Variants in GMPR observed in about 807,000 individuals in gnomAD.
GMPR encodes guanosine monophosphate reductase, also known as GMP reductase 1.
GMPR carries 31 observed loss-of-function variants against 38.4 expected under a neutral mutation model. The observed-to-expected ratio is 0.81, with a 90% CI of 0.61 to 1.09. The LOEUF is 1.09. Among genes scored for constraint, GMPR ranks in the 50% least tolerant of loss-of-function variants. The pLI, the probability that GMPR is intolerant of heterozygous loss-of-function variation, is 0.00. For missense variants in GMPR, 468 were observed against 453.7 expected (o/e 1.03, Z -0.29); for synonymous variants, 162 against 173.3 (o/e 0.93, Z 0.51).
chr6:16,293,634 C>G (rs1192560848), intron 8 of GMPR, among the ~76,000 whole-genome samples: 1 of 152,210 alleles, frequency 6.6e-6, no homozygotes, highest in Non-Finnish European at 1.5e-5. Flanking sequence ...CCCATCTCTA[C>G]TAAAAATACT....
intron 4 of GMPR, chr6:16,264,629 G>C (rs1355006205): frequency 6.6e-6 from 1 of 152,092 alleles, no homozygotes; most frequent in East Asian, 1.9e-4. Flanking sequence ...ATTTGGGTAG[G>C]TAAAGGAAAA....
At position 16,295,502 on chromosome 6, in the gene GMPR, AAAG is replaced by A; in HGVS notation, c.*321_*323del. The A allele has an allele frequency of 4.2e-6, 1 of 240,334 alleles. No individual in the cohort carries two copies. Among genetic ancestry groups the A allele is most frequent in the Non-Finnish European group, 7.9e-6 (1 of 126,392 alleles). The allele number at this position is 240,334 out of a possible 1,614,324, so 14.9% of individuals were successfully genotyped here. A position where few individuals can be genotyped will look rare whatever the true frequency, so the allele number is the denominator to read the frequency against. ...TTTCTTTGTTTTTCTTTCTTTTTTAAAAGAAGATGGTTTCACTTTAATATAATG... is the reference window on the plus strand; with the variant it reads ...TTTCTTTGTTTTTCTTTCTTTTTTAAAAGATGGTTTCACTTTAATATAATG... On this transcript the variant is annotated 3_prime_UTR_variant, in exon 9 of 9. Transcript: ENST00000259727.
intron 4 of GMPR, among the ~76,000 whole-genome samples, chr6:16,266,259 C>CAATG (rs1271357652): frequency 6.6e-6 from 1 of 151,748 alleles, no homozygotes; most frequent in Non-Finnish European, 1.5e-5. Context: ...CTGTAACACT[C>CAATG]ACTGCGAAGG....
At chr6:16,289,980 G>A (rs961838037) in intron 7 of GMPR, 4 of 144,834 alleles carry the variant, frequency 2.8e-5, no homozygotes, top group East Asian at 2.2e-4. Flanking sequence ...AGCGATTTCC[G>A]GCTAATTTTT....
intron 4 of GMPR, among the ~76,000 whole-genome samples, chr6:16,267,414 C>T (rs1055369523): frequency 1.8e-4 from 27 of 151,952 alleles, no homozygotes; most frequent in African/African-American, 6.3e-4. Flanking sequence ...TCTGTGGCTT[C>T]ACTCCTGAAG....
intron 4 of GMPR, among the ~76,000 whole-genome samples, chr6:16,260,684 A>G (rs1200654873): frequency 2.0e-5 from 3 of 152,028 alleles, no homozygotes; most frequent in African/African-American, 7.2e-5. Flanking sequence ...AGTGGCTTGT[A>G]CTATAGCATA....
In GMPR at chr6:16,265,856, C is replaced by T. The variant is rs368601050; in HGVS notation, c.466-8559C>T. ...TTTTCTTCGTTCGCTTGCTGCTGCT[C>T]GCTCTTTGGGTCCACGCGACGTTTA... On this transcript the variant is annotated intron_variant, in intron 4 of 8. Coordinates refer to ENST00000259727, the MANE Select transcript of GMPR (RefSeq NM_006877.4). Among the ~76,000 whole-genome samples, 46 of 152,330 alleles carry T rather than the reference C, an allele frequency of 3.0e-4. 1 individual carries two copies. Among genetic ancestry groups the T allele is most frequent in the South Asian group, 1.7e-3 (8 of 4,828 alleles).
At chr6:16,291,420 C>T (rs138457436) in intron 8 of GMPR, among the ~76,000 whole-genome samples, 2,009 of 151,964 alleles carry the variant, frequency 0.013, 25 homozygotes, top group Non-Finnish European at 0.017. Context: ...GATGGGGTTT[C>T]GTCATGTTGG....
rs1476215351 is a variant in GMPR, at chr6:16,238,593, G to A, written c.-101G>A. On this transcript the variant is annotated 5_prime_UTR_variant, in exon 1 of 9. Coordinates refer to ENST00000259727, the MANE Select transcript of GMPR (RefSeq NM_006877.4). ...CGGCGTGCGCACCCGGCCCACGCCA[G>A]CTCCCGGCCGCGGCACAGCAGCCCC... 34 of 258,126 alleles carry A rather than the reference G, an allele frequency of 1.3e-4. No homozygotes were observed. In the East Asian group the frequency reaches 5.0e-3, roughly 38 times the overall value. 16.0% of individuals were successfully genotyped at this position (258,126 alleles called of 1,614,324 possible).
chr6:16,291,745 T>C (rs918586168), intron 8 of GMPR, among the ~76,000 whole-genome samples: 2 of 151,938 alleles, frequency 1.3e-5, no homozygotes, highest in Non-Finnish European at 2.9e-5. Context: ...ACCCTGTCTC[T>C]ACAAAAAAAT....
At chr6:16,290,322 C>A in intron 7 of GMPR, 140 bp from the exon 8 acceptor site, 2 of 746,262 alleles carry the variant, frequency 2.7e-6, no homozygotes, top group Non-Finnish European at 2.3e-6. Flanking sequence ...AGGAGACAGG[C>A]GAGAGAGGTC....
intron 7 of GMPR, among the ~76,000 whole-genome samples, chr6:16,286,355 C>T (rs569933085): frequency 2.6e-5 from 4 of 152,024 alleles, no homozygotes; most frequent in African/African-American, 4.8e-5. Flanking sequence ...AAGCACTAGA[C>T]GCTCCAGCCT....
intron 4 of GMPR, among the ~76,000 whole-genome samples, chr6:16,267,948 A>G (rs974355260): frequency 2.6e-5 from 4 of 152,172 alleles, no homozygotes; most frequent in Admixed American, 2.6e-4. Context: ...GCCTGCCCAC[A>G]TTCTTTCTCA....
intron 5 of GMPR, among the ~76,000 whole-genome samples, chr6:16,276,503 A>G (rs542366014): frequency 5.9e-5 from 9 of 152,186 alleles, no homozygotes; most frequent in African/African-American, 1.2e-4. Context: ...GGTCTCGAAC[A>G]TTTACTACAC....
chr6:16,260,775 C>G (rs530390170), intron 4 of GMPR, among the ~76,000 whole-genome samples: 75 of 151,750 alleles, frequency 4.9e-4, no homozygotes, highest in African/African-American at 1.6e-3. Flanking sequence ...TGAGGAACGG[C>G]AAAGAAGGAA....
intron 6 of GMPR, among the ~76,000 whole-genome samples, chr6:16,283,306 C>T (rs1362885699): frequency 1.3e-5 from 2 of 152,154 alleles, no homozygotes; most frequent in Non-Finnish European, 2.9e-5. Context: ...TTTTTAACAA[C>T]CTTTCAGCAG....
chr6:16,286,555 A>AAT (rs1171073598), intron 7 of GMPR, among the ~76,000 whole-genome samples: 1 of 151,982 alleles, frequency 6.6e-6, no homozygotes, highest in African/African-American at 2.4e-5. Flanking sequence ...CAGAAAAAAA[A>AAT]AAAATGGTGG....
In GMPR at chr6:16,238,735, T is replaced by C. The variant is rs676; in HGVS notation, c.42T>C (p.Asp14=). Residue 14 remains aspartate, a synonymous_variant, in exon 1 of 9, where the codon GAT becomes GAC. Coordinates refer to ENST00000259727, the MANE Select transcript of GMPR (RefSeq NM_006877.4). ...CGGACCTCAAGCTCGACTTCAAGGA[T>C]GTCCTGCTCCGACCTAAGCGGAGCA... ...IDADLKLDFK[D]VLLRPKRSSL... is the part of the protein sequence containing the mutation. 2 of 1,455,434 alleles carry C rather than the reference T, an allele frequency of 1.4e-6. No individual in the cohort carries two copies. Among genetic ancestry groups the C allele is most frequent in the Non-Finnish European group, 1.8e-6 (2 of 1,091,486 alleles). 90.2% of individuals were successfully genotyped at this position (1,455,434 alleles called of 1,614,324 possible).
chr6:16,249,586 G>C (rs533608731), intron 2 of GMPR, among the ~76,000 whole-genome samples: 1 of 152,222 alleles, frequency 6.6e-6, no homozygotes, highest in South Asian at 2.1e-4. Context: ...GCCTCCTAAA[G>C]TGCTGGGATT....
Sources: allele counts gnomAD v4.1 joint callset (sites outside exome capture counted in the v4.1 genomes callset), GRCh38; gene constraint gnomAD v4.1.1; transcripts MANE v1.5; gene names NCBI Gene and HGNC (gene_info 2026-07-23, HGNC 2026-07-21).